TRPS1: variants seen among roughly 807,000 people sequenced by gnomAD.
The protein encoded by TRPS1 is transcriptional repressor GATA binding 1.
Under a neutral mutation model 101.2 loss-of-function variants are expected in TRPS1, and 6 were observed. The ratio of observed to expected loss-of-function variants is 0.06; its 90% CI spans 0.03 to 0.12. The LOEUF is 0.12. Ranked by LOEUF, TRPS1 falls within the 10% of genes least tolerant of loss-of-function variation. The pLI, the probability that TRPS1 is intolerant of heterozygous loss-of-function variation, is 1.00. For synonymous variants in TRPS1, 578 were observed against 589.8 expected (o/e 0.98, Z 0.29); for missense variants, 1,363 against 1,567.0 (o/e 0.87, Z 2.20).
intron 5 of TRPS1, among the ~76,000 whole-genome samples, chr8:115,535,055 G>A (rs1190815279): frequency 6.8e-6 from 1 of 146,730 alleles, no homozygotes; most frequent in African/African-American, 2.5e-5. Context: ...TATAGCATAT[G>A]TATAGCATAT....
intron 5 of TRPS1, among the ~76,000 whole-genome samples, chr8:115,501,775 G>A (rs1265355433): frequency 6.6e-6 from 1 of 151,964 alleles, no homozygotes; most frequent in African/African-American, 2.4e-5. Context: ...ACCAACTCTG[G>A]GTAACTTGAC....
chr8:115,631,078 C>T (rs1431056399), intron 1 of TRPS1, among the ~76,000 whole-genome samples: 1 of 151,962 alleles, frequency 6.6e-6, no homozygotes, highest in African/African-American at 2.4e-5. Context: ...CCTCATAATG[C>T]CTAACACATC....
chr8:115,450,462 G>A (rs115729284), intron 5 of TRPS1, among the ~76,000 whole-genome samples: 1,578 of 151,964 alleles, frequency 0.01, 28 homozygotes, highest in African/African-American at 0.036. Context: ...ACAATAAAGC[G>A]CCAATGATTT....
At chr8:115,588,528 T>TA (rs748149469) in intron 4 of TRPS1, among the ~76,000 whole-genome samples, 4 of 152,212 alleles carry the variant, frequency 2.6e-5, no homozygotes, top group Non-Finnish European at 5.9e-5. Context: ...CTTCTGCTGT[T>TA]AAAGAGAGAA....
At chr8:115,565,859 C>T (rs186824198) in intron 5 of TRPS1, among the ~76,000 whole-genome samples, 138 of 152,172 alleles carry the variant, frequency 9.1e-4, no homozygotes, top group South Asian at 2.5e-3. Context: ...CATCATGCTA[C>T]ATAATTCTGA....
At position 115,413,970 on chromosome 8, in the gene TRPS1, G is replaced by C; in HGVS notation, c.*53C>G. The stretch of plus-strand genomic sequence containing the variant: ...TCTTCATAAGACATTACAAGCTATT[G>C]AATTCCCATCAAGAAAACCTATTTC... On this transcript the variant is annotated 3_prime_UTR_variant, in exon 7 of 7. Transcript: ENST00000395715. 6.4e-7 allele frequency: 1 copy of C among 1,569,968 alleles called. No individual in the cohort carries two copies. The highest frequency in any genetic ancestry group is 1.4e-5 in the African/African-American group (1 of 73,556).
intron 1 of TRPS1, among the ~76,000 whole-genome samples, chr8:115,633,205 T>A (rs1237410178): frequency 6.6e-6 from 1 of 151,616 alleles, no homozygotes; most frequent in African/African-American, 2.4e-5. Flanking sequence ...AGAAGAGAAA[T>A]TGAAAAGAAA....
intron 5 of TRPS1, among the ~76,000 whole-genome samples, chr8:115,553,825 A>C (rs2130347756): frequency 6.6e-6 from 1 of 152,246 alleles, no homozygotes; most frequent in Admixed American, 6.5e-5. Flanking sequence ...TGATAGCTAA[A>C]ATTTGGAAAA....
intron 5 of TRPS1, among the ~76,000 whole-genome samples, chr8:115,438,122 G>A (rs1171051730): frequency 6.6e-6 from 1 of 152,124 alleles, no homozygotes; most frequent in Non-Finnish European, 1.5e-5. Context: ...ACTCCCTAAA[G>A]CATGTAAACC....
chr8:115,548,594 C>T (rs1816633435), intron 5 of TRPS1, among the ~76,000 whole-genome samples: 1 of 152,056 alleles, frequency 6.6e-6, no homozygotes, highest in African/African-American at 2.4e-5. Flanking sequence ...CAACAACATT[C>T]ATTTGGAGGA....
chr8:115,412,665 C>T lies in TRPS1; in HGVS notation c.*1358G>A, dbSNP rs1213745572. 6.6e-6 allele frequency: 1 copy of T among 152,318 alleles called. No homozygotes were observed. The highest frequency in any genetic ancestry group is 1.5e-5 in the Non-Finnish European group (1 of 67,972). 9.4% of individuals were successfully genotyped at this position (152,318 alleles called of 1,614,324 possible). On this transcript the variant is annotated 3_prime_UTR_variant, in exon 7 of 7. Transcript: ENST00000395715. ...GCAAAAAATAAACTACTGGTTGGGA[C>T]AATATAATGCAAATTATTAAAGTCA...
intron 1 of TRPS1, among the ~76,000 whole-genome samples, chr8:115,641,913 C>A (rs1394603968): frequency 6.6e-6 from 1 of 151,958 alleles, no homozygotes; most frequent in Non-Finnish European, 1.5e-5. Flanking sequence ...AACAAAACTC[C>A]ATTTTCAGTT....
intron 5 of TRPS1, chr8:115,515,304 A>G: frequency 1.4e-6 from 1 of 696,194 alleles, no homozygotes. Context: ...AACACGAAGA[A>G]GTACAGTAAA....
At chr8:115,590,477 T>C (rs1249304336) in intron 4 of TRPS1, among the ~76,000 whole-genome samples, 1 of 152,172 alleles carries the variant, frequency 6.6e-6, no homozygotes, top group Non-Finnish European at 1.5e-5. Flanking sequence ...CAAAGAATCA[T>C]AGTGATTCTG....
intron 5 of TRPS1, among the ~76,000 whole-genome samples, chr8:115,453,126 A>G (rs552332672): frequency 1.6e-4 from 25 of 152,032 alleles, no homozygotes; most frequent in Non-Finnish European, 2.9e-4. Flanking sequence ...GGTTCAAGCA[A>G]TTCTCTGCCT....
chr8:115,438,858 C>T (rs1326724481), intron 5 of TRPS1, among the ~76,000 whole-genome samples: 1 of 152,088 alleles, frequency 6.6e-6, no homozygotes, highest in Admixed American at 6.6e-5. Context: ...CACTGAAATT[C>T]TAAGGAAAAT....
intron 5 of TRPS1, among the ~76,000 whole-genome samples, chr8:115,465,340 T>C (rs1814290955): frequency 6.6e-6 from 1 of 152,062 alleles, no homozygotes; most frequent in Admixed American, 6.6e-5. Flanking sequence ...CTTAAACATA[T>C]TATTACAATT....
chr8:115,429,122 G>A (rs567383895), intron 5 of TRPS1, among the ~76,000 whole-genome samples: 11 of 152,156 alleles, frequency 7.2e-5, no homozygotes, highest in African/African-American at 2.7e-4. Context: ...ATCTTTCACG[G>A]GAAAACTACC....
intron 1 of TRPS1, among the ~76,000 whole-genome samples, chr8:115,648,064 C>G (rs1229273089): frequency 6.6e-6 from 1 of 151,998 alleles, no homozygotes; most frequent in Non-Finnish European, 1.5e-5. Context: ...AATTTGGGAT[C>G]TGGCAAGAGG....
Sources: allele counts gnomAD v4.1 joint callset (sites outside exome capture counted in the v4.1 genomes callset), GRCh38; gene constraint gnomAD v4.1.1; transcripts MANE v1.5; gene names NCBI Gene and HGNC (gene_info 2026-07-23, HGNC 2026-07-21).